Variants in TMEM39B observed in about 807,000 individuals in gnomAD.
The protein encoded by TMEM39B is transmembrane protein 39B.
Under a neutral mutation model 52.2 loss-of-function variants are expected in TMEM39B, and 23 were observed. The ratio of observed to expected loss-of-function variants is 0.44; its 90% CI spans 0.32 to 0.62. The LOEUF (loss-of-function observed/expected upper bound fraction) is 0.62. Ranked by LOEUF, TMEM39B falls within the 20% of genes least tolerant of loss-of-function variation. TMEM39B has a pLI of 0.06. For synonymous variants in TMEM39B, 285 were observed against 264.0 expected (o/e 1.08, Z -0.77); for missense variants, 547 against 642.0 (o/e 0.85, Z 1.60).
At chr1:32,101,602 A>G (rs1035639239) in intron 8 of TMEM39B, among the ~76,000 whole-genome samples, 1 of 152,102 alleles carries the variant, frequency 6.6e-6, no homozygotes. Flanking sequence ...ATGAGAAATC[A>G]CTGACCTAGA....
chr1:32,099,014 G>A (rs1640917465), intron 7 of TMEM39B, among the ~76,000 whole-genome samples: 1 of 152,096 alleles, frequency 6.6e-6, no homozygotes, highest in Non-Finnish European at 1.5e-5. Context: ...ACTTTGGGAG[G>A]CCAAGGCAGG....
chr1:32,079,721 G>T (rs536168398), intron 5 of TMEM39B, among the ~76,000 whole-genome samples: 2 of 151,704 alleles, frequency 1.3e-5, no homozygotes, highest in African/African-American at 2.4e-5. Context: ...TAATGGCCTC[G>T]CAGTATTCTA....
At chr1:32,090,189 G>A (rs965101471) in intron 5 of TMEM39B, among the ~76,000 whole-genome samples, 7 of 152,026 alleles carry the variant, frequency 4.6e-5, no homozygotes, top group Non-Finnish European at 1.0e-4. Context: ...GATGGGCATG[G>A]CACTTACTCA....
chr1:32,084,309 T>G (rs1009459230), intron 5 of TMEM39B, among the ~76,000 whole-genome samples: 6 of 152,134 alleles, frequency 3.9e-5, no homozygotes, highest in African/African-American at 1.4e-4. Context: ...CTCCTCCTGC[T>G]GCAGTCTGGA....
chr1:32,077,050 C>A (rs1394149163), intron 4 of TMEM39B, 114 bp from the exon 5 acceptor site: 11 of 1,463,996 alleles, frequency 7.5e-6, no homozygotes, highest in Non-Finnish European at 7.5e-6. Context: ...TCTGCCCAGC[C>A]TGCTGTGCCA....
Position 32,091,670 on chromosome 1 carries a change from A to G in TMEM39B, c.591-5A>G. 6.3e-7 allele frequency: 1 copy of G among 1,581,316 alleles called. No homozygotes were observed. On this transcript the variant is annotated splice_region_variant and splice_polypyrimidine_tract_variant and intron_variant, in intron 5 of 8. Transcript: ENST00000336294. ...GCCTTCCCTCACCACCGTCTTCCCC[A>G]GCAGGTTTGGGATGTACATTCCGTT... is the stretch of plus-strand genomic sequence containing the variant.
intron 7 of TMEM39B, among the ~76,000 whole-genome samples, chr1:32,096,288 C>T (rs1640802991): frequency 6.6e-6 from 1 of 152,032 alleles, no homozygotes; most frequent in African/African-American, 2.4e-5. Context: ...TTCAGTGCCC[C>T]TCCCCTATAA....
At chr1:32,081,677 G>A (rs1055333099) in intron 5 of TMEM39B, among the ~76,000 whole-genome samples, 3 of 151,464 alleles carry the variant, frequency 2.0e-5, no homozygotes, top group African/African-American at 7.3e-5. Context: ...GAAACTGGGA[G>A]GTGGAGGTTG....
chr1:32,076,860 A>G lies in TMEM39B; in HGVS notation c.435+14A>G. 1 of 1,613,808 alleles carries G rather than the reference A, an allele frequency of 6.2e-7. No homozygotes were observed. The highest frequency in any genetic ancestry group is 8.5e-7 in the Non-Finnish European group (1 of 1,179,790). ...ATCGTGAAGGAGGTGATTGGGTCCTAGAGGCTGGCCAGGGACTTTGGGATT... is the reference window on the plus strand; with the variant it reads ...ATCGTGAAGGAGGTGATTGGGTCCTGGAGGCTGGCCAGGGACTTTGGGATT... On this transcript the variant is annotated intron_variant, in intron 4 of 8. Transcript: ENST00000336294.
At chr1:32,083,048 A>T (rs1640177251) in intron 5 of TMEM39B, among the ~76,000 whole-genome samples, 1 of 148,046 alleles carries the variant, frequency 6.8e-6, no homozygotes, top group African/African-American at 2.5e-5. Flanking sequence ...TGCTGGGATT[A>T]CAAGCGTGAG....
intron 1 of TMEM39B, chr1:32,073,781 A>T: frequency 1.0e-6 from 1 of 985,354 alleles, no homozygotes; most frequent in Non-Finnish European, 1.2e-6. Context: ...TCCAAGCCCA[A>T]AATTGGCTCC....
At position 32,102,722 on chromosome 1, in the gene TMEM39B, C is replaced by T. The variant is rs1641066463; in HGVS notation, c.*49C>T. ...GCGTCCAGGCTTCAGCCAAGGGCTC[C>T]CTGGCAAGGGGCTGTTGGGTAGAAG... On this transcript the variant is annotated 3_prime_UTR_variant, in exon 9 of 9. Transcript: ENST00000336294. 7.1e-7 allele frequency: 1 copy of T among 1,417,198 alleles called. No homozygotes were observed. The allele number at this position is 1,417,198 out of a possible 1,614,324, so 87.8% of individuals were successfully genotyped here. A position where few individuals can be genotyped will look rare whatever the true frequency, so the allele number is the denominator to read the frequency against.
intron 5 of TMEM39B, among the ~76,000 whole-genome samples, chr1:32,079,049 C>T (rs758116585): frequency 6.6e-5 from 10 of 151,802 alleles, no homozygotes; most frequent in Non-Finnish European, 1.2e-4. Flanking sequence ...CCAATACATA[C>T]GGGTCTGTCT....
At chr1:32,101,702 GA>G (rs1641025495) in intron 8 of TMEM39B, among the ~76,000 whole-genome samples, 1 of 152,182 alleles carries the variant, frequency 6.6e-6, no homozygotes, top group East Asian at 1.9e-4. Context: ...GTGCAGAGCT[GA>G]GCCTGATATC....
chr1:32,102,169 A>G (rs1206938455), intron 8 of TMEM39B, among the ~76,000 whole-genome samples: 1 of 146,384 alleles, frequency 6.8e-6, no homozygotes, highest in Non-Finnish European at 1.6e-5. Context: ...ACCTGTCAAG[A>G]AAGACTTCCT....
Position 32,102,286 on chromosome 1 carries a change from T to C in TMEM39B, c.1237-145T>C. ...GGCAGATGAGGTGGCAAAGTCCACA[T>C]CCAACCCCAGAAAGTCTTCTTCCCC... On this transcript the variant is annotated intron_variant, in intron 8 of 8. Coordinates refer to ENST00000336294, the MANE Select transcript of TMEM39B (RefSeq NM_018056.4). 5.4e-6 allele frequency: 6 copies of C among 1,116,842 alleles called. No individual in the cohort carries two copies. In the South Asian group the frequency reaches 9.3e-5, roughly 17 times the overall value. 69.2% of individuals were successfully genotyped at this position (1,116,842 alleles called of 1,614,324 possible). A position where few individuals can be genotyped will look rare whatever the true frequency, so the allele number is the denominator to read the frequency against.
intron 5 of TMEM39B, among the ~76,000 whole-genome samples, chr1:32,085,160 G>A (rs1249940507): frequency 6.6e-6 from 1 of 152,060 alleles, no homozygotes; most frequent in East Asian, 1.9e-4. Flanking sequence ...TTAGCTTGGG[G>A]AAATTTTCCT....
chr1:32,082,116 T>C (rs560867404), intron 5 of TMEM39B, among the ~76,000 whole-genome samples: 22 of 150,250 alleles, frequency 1.5e-4, no homozygotes, highest in African/African-American at 5.1e-4. Context: ...ACTTTTTTTT[T>C]CCATCAACAA....
chr1:32,102,019 A>G (rs1371696830), intron 8 of TMEM39B, among the ~76,000 whole-genome samples: 1 of 152,146 alleles, frequency 6.6e-6, no homozygotes, highest in African/African-American at 2.4e-5. Context: ...AGGCCCAGCA[A>G]TACCCAGGAG....
Sources: gnomAD v4.1 joint callset for allele counts (sites outside exome capture counted in the v4.1 genomes callset) on GRCh38, gnomAD v4.1.1 for gene constraint, MANE v1.5 for transcripts, NCBI Gene and HGNC (gene_info 2026-07-23, HGNC 2026-07-21) for gene names.